The following CASKIN1 variants were observed in gnomAD, a reference collection of about 807,000 sequenced individuals.
CASKIN1 encodes the protein caskin-1.
CASKIN1 carries 42 observed loss-of-function variants against 117.5 expected under a neutral mutation model. That is an observed-to-expected ratio of 0.36 (90% confidence interval 0.28 to 0.46). The LOEUF is 0.46. Ranked by LOEUF, CASKIN1 falls within the 20% of genes least tolerant of loss-of-function variation. The pLI, the probability that CASKIN1 is intolerant of heterozygous loss-of-function variation, is 1.00. For missense variants in CASKIN1, 2,083 were observed against 2,077.3 expected (o/e 1.00, Z -0.05); for synonymous variants, 1,148 against 961.7 (o/e 1.19, Z -3.59).
rs2093159289 is a variant in CASKIN1, at chr16:2,179,572, A to C, written c.3775+21T>G. The C allele has an allele frequency of 9.8e-6, 14 of 1,430,374 alleles. No individual in the cohort carries two copies. The highest frequency in any genetic ancestry group is 1.3e-5 in the Non-Finnish European group (14 of 1,097,828). The allele number at this position is 1,430,374 out of a possible 1,614,324, so 88.6% of individuals were successfully genotyped here. ...TGGAGCAGGGTCCTGTTGCCCCTTC[A>C]CCCCACCCTGGCTGGCCTACCTGGG... On this transcript the variant is annotated intron_variant, in intron 18 of 19. Transcript: ENST00000343516. This position sits in a 1 kb window ranked among gnomAD's most constrained non-coding sequence, Gnocchi z 5.8.
Position 2,190,362 on chromosome 16 carries a change from G to A in CASKIN1, c.95-4C>T, listed in dbSNP as rs2093198222. The A allele has an allele frequency of 6.4e-7, 1 of 1,568,786 alleles. No individual in the cohort carries two copies. Among genetic ancestry groups the A allele is most frequent in the East Asian group, 2.4e-5 (1 of 42,400 alleles). ...TTCTTGGTGGAACCCAGGAGCTCTG[G>A]GGATGGAAGGAGACTCAGTGAGGGG... On this transcript the variant is annotated splice_region_variant and splice_polypyrimidine_tract_variant and intron_variant, in intron 1 of 19. Coordinates refer to ENST00000343516, the MANE Select transcript of CASKIN1 (RefSeq NM_020764.4).
intron 1 of CASKIN1, among the ~76,000 whole-genome samples, chr16:2,193,306 C>A (rs2093206207): frequency 6.6e-6 from 1 of 152,224 alleles, no homozygotes; most frequent in East Asian, 1.9e-4. Context: ...CATGAGCCAC[C>A]ATGCCCGGCC....
Position 2,181,110 on chromosome 16 carries a change from C to T in CASKIN1, c.2258G>A (p.Arg753Lys), listed in dbSNP as rs979761875. 2.7e-6 allele frequency: 4 copies of T among 1,481,806 alleles called. No homozygotes were observed. In the African/African-American group the frequency reaches 4.2e-5, roughly 16 times the overall value. The allele number at this position is 1,481,806 out of a possible 1,614,324, so 91.8% of individuals were successfully genotyped here. A position where few individuals can be genotyped will look rare whatever the true frequency, so the allele number is the denominator to read the frequency against. The change falls in exon 18 of 20, where the codon AGG becomes AAG. Residue 753 changes from arginine (R) to lysine (K), a missense_variant. Arg to Lys is a conservative substitution (Grantham distance 26). Around this residue, in one of 3 missense-constraint regions of CASKIN1, gnomAD observed 1,818 missense variants for 1,688.9 expected, o/e 1.08. Transcript: ENST00000343516. ...GCCAGGCACGGGGGGCACGCTGGCC[C>T]TCTTGATGCTGTGGCCGTGGCGGCC... ...RPGRHGHSIK[R>K]ASVPPVPGKP...
intron 1 of CASKIN1, among the ~76,000 whole-genome samples, chr16:2,195,168 G>A (rs1241433942): frequency 6.6e-6 from 1 of 152,236 alleles, no homozygotes; most frequent in Non-Finnish European, 1.5e-5. Context: ...GGGCCAGCCT[G>A]CAAGGCACCG....
chr16:2,178,571 C>T lies in CASKIN1; in HGVS notation c.4275G>A (p.Gln1425=), dbSNP rs758664637. 2 of 1,596,014 alleles carry T rather than the reference C, an allele frequency of 1.3e-6. No individual in the cohort carries two copies. Among genetic ancestry groups the T allele is most frequent in the Non-Finnish European group, 1.7e-6 (2 of 1,175,906 alleles). The change falls in exon 20 of 20, where the codon CAG becomes CAA. Residue 1425 remains glutamine, a synonymous_variant. Transcript: ENST00000343516. ...GCGTTCACTCCAGCATGGCATCCAG[C>T]TGGTCGGCCAGGTCGTCGAACATGC... is the stretch of plus-strand genomic sequence containing the variant. ...IGSMFDDLAD[Q]LDAMLE
At chr16:2,189,183 G>T in intron 5 of CASKIN1, 26 bp from the exon 6 acceptor site, 10 of 1,612,526 alleles carry the variant, frequency 6.2e-6, no homozygotes, top group South Asian at 1.1e-5. Context: ...AGGGTAGGGG[G>T]GTCCTGATGT....
chr16:2,188,969 G>A (rs1227415129), intron 6 of CASKIN1, 58 bp downstream of exon 6: 2 of 1,558,966 alleles, frequency 1.3e-6, no homozygotes, highest in Non-Finnish European at 1.7e-6. Context: ...CTGAGCCCCA[G>A]GCTGCTGCTG....
Position 2,180,160 on chromosome 16 carries a change from C to G in CASKIN1, c.3208G>C (p.Val1070Leu), listed in dbSNP as rs778442847. The change falls in exon 18 of 20, where the codon GTC becomes CTC. Residue 1070 changes from valine to leucine, a missense_variant. Transcript: ENST00000343516. ...VNRRRTLSGP[V>L]TGLLATARRG... ...CGGGCAGTGGCCAGAAGTCCGGTGACTGGCCCGCTGAGCGTGCGGCGCCGG... is the reference window on the plus strand; with the variant it reads ...CGGGCAGTGGCCAGAAGTCCGGTGAGTGGCCCGCTGAGCGTGCGGCGCCGG... The G allele has an allele frequency of 3.2e-6, 5 of 1,553,100 alleles. No individual in the cohort carries two copies. In the African/African-American group the frequency reaches 6.8e-5, roughly 21 times the overall value.
Position 2,185,302 on chromosome 16 carries a change from C to G in CASKIN1, c.1150+5G>C, listed in dbSNP as rs774506436. 6.3e-7 allele frequency: 1 copy of G among 1,594,862 alleles called. No homozygotes were observed. The highest frequency in any genetic ancestry group is 1.1e-5 in the South Asian group (1 of 89,674). On this transcript the variant is annotated splice_donor_5th_base_variant and intron_variant, in intron 11 of 19. Transcript: ENST00000343516. ...CCACCTCTGCCCTTCAGGGACCCAG[C>G]CTACCTGCAAAAGGCTTCCTCAGCA...
intron 6 of CASKIN1, 196 bp downstream of exon 6, chr16:2,188,831 G>A (rs904702013): frequency 4.3e-5 from 31 of 723,110 alleles, no homozygotes; most frequent in South Asian, 8.1e-5. Flanking sequence ...CAGAGACGTC[G>A]CAGAAGCCCC....
In CASKIN1 at chr16:2,189,534, T is replaced by C; in HGVS notation, c.275A>G (p.Gln92Arg). ...GMRPLHYAAW[Q>R]GRKEPMKLVL... ...CAGCTTCATGGGCTCCTTCCGGCCC[T>C]GCCAGGCCGCATAGTGCAGCGGCCG... Residue 92 changes from glutamine (Q) to arginine (R), a missense_variant, in exon 4 of 20, where the codon CAG becomes CGG. By Grantham distance (43) the Gln-to-Arg change is conservative (BLOSUM62 1). Around this residue, in one of 3 missense-constraint regions of CASKIN1, gnomAD observed 203 missense variants for 338.7 expected, o/e 0.60. Coordinates refer to ENST00000343516, the MANE Select transcript of CASKIN1 (RefSeq NM_020764.4). 1 of 1,611,046 alleles carries C rather than the reference T, an allele frequency of 6.2e-7. No individual in the cohort carries two copies. Among genetic ancestry groups the C allele is most frequent in the Non-Finnish European group, 8.5e-7 (1 of 1,179,500 alleles).
intron 3 of CASKIN1, among the ~76,000 whole-genome samples, 198 bp downstream of exon 3, chr16:2,189,875 G>A (rs985320596): frequency 6.6e-6 from 1 of 151,866 alleles, no homozygotes; most frequent in Non-Finnish European, 1.5e-5. Context: ...CCAACCCTGT[G>A]GGTTTGGGGG....
rs1487357095 is a variant in CASKIN1, at chr16:2,190,117, A to C, written c.200T>G (p.Leu67Arg). ...CACAGCGGCCTGGGCCTCCAGCAGC[A>C]GGCTGATCAATTCCGTGTTGCCGTT... ...ALNGNTELIS[L>R]LLEAQAAVDI... The change falls in exon 3 of 20, where the codon CTG (leucine) becomes CGG (arginine). Residue 67 changes from leucine (L) to arginine (R), a missense_variant. Coordinates refer to ENST00000343516, the MANE Select transcript of CASKIN1 (RefSeq NM_020764.4). The C allele has an allele frequency of 6.2e-7, 1 of 1,612,366 alleles. No individual in the cohort carries two copies. The highest frequency in any genetic ancestry group is 8.5e-7 in the Non-Finnish European group (1 of 1,179,660).
At chr16:2,183,618 C>T in intron 16 of CASKIN1, 28 bp downstream of exon 16, 1 of 1,608,942 alleles carries the variant, frequency 6.2e-7, no homozygotes, top group Non-Finnish European at 8.5e-7. Flanking sequence ...CGTCCTGGGC[C>T]CAGCCCCTGG....
chr16:2,185,253 C>T (rs1034070973), intron 11 of CASKIN1, 54 bp from the exon 12 acceptor site: 22 of 1,602,052 alleles, frequency 1.4e-5, no homozygotes, highest in South Asian at 3.3e-5. Context: ...CCTGGCCCCA[C>T]GGTGGTGCCT....
intron 14 of CASKIN1, 76 bp downstream of exon 14, chr16:2,184,701 T>C: frequency 7.7e-7 from 1 of 1,293,338 alleles, no homozygotes; most frequent in South Asian, 1.9e-5. Flanking sequence ...AGGCAGGCCG[T>C]GTAAGCACCC....
At chr16:2,184,388 T>C (rs543814915) in intron 14 of CASKIN1, among the ~76,000 whole-genome samples, 1 of 152,234 alleles carries the variant, frequency 6.6e-6, no homozygotes, top group South Asian at 2.1e-4. Context: ...CGTGCAGGAC[T>C]CAGCCAGCAG....
At chr16:2,184,671 G>T in intron 14 of CASKIN1, 106 bp downstream of exon 14, 1 of 983,358 alleles carries the variant, frequency 1.0e-6, no homozygotes, top group Non-Finnish European at 1.4e-6. Flanking sequence ...CAATGCCCCC[G>T]ACCCCGCCGC....
At position 2,196,255 on chromosome 16, in the gene CASKIN1, C is replaced by G; in HGVS notation, c.94+84G>C. The G allele has an allele frequency of 2.0e-6, 1 of 498,344 alleles. No homozygotes were observed. Among genetic ancestry groups the G allele is most frequent in the Non-Finnish European group, 2.8e-6 (1 of 354,874 alleles). 30.9% of individuals were successfully genotyped at this position (498,344 alleles called of 1,614,324 possible). On this transcript the variant is annotated intron_variant, in intron 1 of 19. Coordinates refer to ENST00000343516, the MANE Select transcript of CASKIN1 (RefSeq NM_020764.4). The surrounding 1 kb of genome is among the most constrained non-coding windows in gnomAD (Gnocchi z 5.7). Reference sequence around the variant, plus strand: ...CCCCGGGGACCCGACAACGTCCCCTCCCCGCCCGGCGCCGGGTGGGGGGCT... The same window carrying G: ...CCCCGGGGACCCGACAACGTCCCCTGCCCGCCCGGCGCCGGGTGGGGGGCT...
Sources: gnomAD v4.1 joint callset for allele counts (sites outside exome capture counted in the v4.1 genomes callset) on GRCh38, gnomAD v4.1.1 for gene constraint, gnomAD v4.1.1 regional missense constraint, Gnocchi (gnomAD v3.1) non-coding constraint, MANE v1.5 for transcripts, NCBI Gene and HGNC (gene_info 2026-07-23, HGNC 2026-07-21) for gene names.